Variants in GRM8 observed in about 807,000 individuals in gnomAD.
GRM8 encodes glutamate metabotropic receptor 8, also known as metabotropic glutamate receptor 8.
In GRM8, 47 loss-of-function variants were observed where a neutral mutation model predicts 87.2. The observed-to-expected ratio is 0.54, with a 90% CI of 0.43 to 0.69. The LOEUF (loss-of-function observed/expected upper bound fraction) is 0.69. Ranked by LOEUF, GRM8 falls within the 30% of genes least tolerant of loss-of-function variation. GRM8 has a pLI of 0.00. For missense variants in GRM8, 1,019 were observed against 1,139.2 expected, an observed-to-expected ratio of 0.89 and a Z score of 1.52; for synonymous variants, 396 against 404.5, an observed-to-expected ratio of 0.98 and a Z score of 0.25.
At chr7:127,178,458 C>T (rs1794240817) in intron 2 of GRM8, among the ~76,000 whole-genome samples, 1 of 151,932 alleles carries the variant, frequency 6.6e-6, no homozygotes, top group Non-Finnish European at 1.5e-5. Flanking sequence ...ATTTCCTTGG[C>T]CTTGCTAGAG....
At chr7:126,733,334 G>A (rs1813821247) in intron 7 of GRM8, among the ~76,000 whole-genome samples, 1 of 150,512 alleles carries the variant, frequency 6.6e-6, no homozygotes, top group South Asian at 2.1e-4. Context: ...GAAAGTATTT[G>A]TTTACTTTAT....
intron 7 of GRM8, among the ~76,000 whole-genome samples, chr7:126,628,680 G>A (rs1257471765): frequency 6.6e-6 from 1 of 152,166 alleles, no homozygotes; most frequent in African/African-American, 2.4e-5. Context: ...AAAAGGCAAA[G>A]GAGTGTTGTT....
chr7:126,997,542 C>T (rs533462790), intron 3 of GRM8, among the ~76,000 whole-genome samples: 2 of 107,958 alleles, frequency 1.9e-5, no homozygotes, highest in Non-Finnish European at 4.0e-5. Context: ...TTTAGCCAGA[C>T]TAAGAAAAAA....
At chr7:127,139,758 A>G (rs764017759) in intron 2 of GRM8, among the ~76,000 whole-genome samples, 2 of 152,156 alleles carry the variant, frequency 1.3e-5, no homozygotes, top group Non-Finnish European at 2.9e-5. Context: ...TTCATGGAAA[A>G]AAAGAAATAC....
At chr7:126,618,802 T>G (rs563968405) in intron 7 of GRM8, among the ~76,000 whole-genome samples, 1 of 152,104 alleles carries the variant, frequency 6.6e-6, no homozygotes, top group Admixed American at 6.6e-5. Context: ...ATCAGAGAAA[T>G]GCAAATCAAA....
intron 7 of GRM8, among the ~76,000 whole-genome samples, chr7:126,722,995 T>TTA (rs925916115): frequency 2.1e-5 from 3 of 143,250 alleles, no homozygotes; most frequent in Non-Finnish European, 4.5e-5. Flanking sequence ...TATATATAAT[T>TTA]TATATATATA....
chr7:127,241,863 G>A (rs1179118522), intron 2 of GRM8, among the ~76,000 whole-genome samples: 1 of 152,158 alleles, frequency 6.6e-6, no homozygotes, highest in Non-Finnish European at 1.5e-5. Context: ...TATTACAAAA[G>A]ACTACATATT....
At chr7:127,012,625 T>C (rs1390204038) in intron 3 of GRM8, among the ~76,000 whole-genome samples, 1 of 152,158 alleles carries the variant, frequency 6.6e-6, no homozygotes, top group Non-Finnish European at 1.5e-5. Context: ...ACATCACAGC[T>C]TCTATGATGG....
intron 3 of GRM8, among the ~76,000 whole-genome samples, chr7:126,915,011 C>T (rs1803742496): frequency 6.6e-6 from 1 of 152,222 alleles, no homozygotes; most frequent in Non-Finnish European, 1.5e-5. Flanking sequence ...TGCAGATGTA[C>T]TCTCAGAGAG....
intron 9 of GRM8, among the ~76,000 whole-genome samples, chr7:126,473,834 T>A (rs1313180779): frequency 6.6e-6 from 1 of 152,044 alleles, no homozygotes; most frequent in Non-Finnish European, 1.5e-5. Context: ...TCTCATGAGA[T>A]CTGATGGTTT....
intron 6 of GRM8, among the ~76,000 whole-genome samples, chr7:126,889,681 T>A (rs2131071249): frequency 6.6e-6 from 1 of 152,216 alleles, no homozygotes; most frequent in Admixed American, 6.5e-5. Flanking sequence ...TTTTAATAAA[T>A]CAAATCACAT....
At chr7:126,626,908 T>A (rs941242671) in intron 7 of GRM8, among the ~76,000 whole-genome samples, 1 of 152,148 alleles carries the variant, frequency 6.6e-6, no homozygotes, top group African/African-American at 2.4e-5. Flanking sequence ...TGAACAACAC[T>A]GTATAGATTA....
intron 7 of GRM8, among the ~76,000 whole-genome samples, chr7:126,677,334 C>G (rs1807071513): frequency 6.8e-6 from 1 of 146,744 alleles, no homozygotes; most frequent in Non-Finnish European, 1.5e-5. Flanking sequence ...TTCAATCTAG[C>G]AATCCCACTA....
intron 6 of GRM8, among the ~76,000 whole-genome samples, chr7:126,899,092 T>A (rs1801817722): frequency 6.9e-6 from 1 of 144,168 alleles, no homozygotes; most frequent in African/African-American, 2.6e-5. Context: ...AAAAGTTATG[T>A]GACTGGTTAA....
intron 8 of GRM8, among the ~76,000 whole-genome samples, chr7:126,558,609 C>T (rs1032227641): frequency 6.6e-6 from 1 of 152,104 alleles, no homozygotes; most frequent in African/African-American, 2.4e-5. Context: ...AATTACAATG[C>T]CTCATACAAT....
intron 7 of GRM8, among the ~76,000 whole-genome samples, chr7:126,647,460 C>A: frequency 6.6e-6 from 1 of 151,994 alleles, no homozygotes; most frequent in East Asian, 1.9e-4. Context: ...AAATTCTAGT[C>A]AAATATCTAA....
chr7:127,240,067 C>A (rs1200575324), intron 2 of GRM8, among the ~76,000 whole-genome samples: 3 of 152,146 alleles, frequency 2.0e-5, no homozygotes, highest in African/African-American at 7.2e-5. Flanking sequence ...GCAAGAGCTG[C>A]CCTTTCATGT....
At chr7:126,684,923 T>A (rs1223786075) in intron 7 of GRM8, among the ~76,000 whole-genome samples, 1 of 152,188 alleles carries the variant, frequency 6.6e-6, no homozygotes, top group Non-Finnish European at 1.5e-5. Context: ...GCCTAATGTG[T>A]TACTGATGGC....
intron 6 of GRM8, among the ~76,000 whole-genome samples, chr7:126,866,663 C>T (rs1798624239): frequency 7.1e-6 from 1 of 140,906 alleles, no homozygotes. Context: ...GCAATCTCGG[C>T]TCACAGCAAC....
Sources: allele counts gnomAD v4.1 joint callset (sites outside exome capture counted in the v4.1 genomes callset), GRCh38; gene constraint gnomAD v4.1.1; transcripts MANE v1.5; gene names NCBI Gene and HGNC (gene_info 2026-07-23, HGNC 2026-07-21).